Variants in GAS2 observed in about 807,000 individuals in gnomAD.
GAS2 encodes the protein growth arrest specific 2.
A neutral mutation model predicts 37.5 loss-of-function variants in GAS2; 20 were observed. The observed-to-expected ratio is 0.53, with a 90% CI of 0.37 to 0.77. The LOEUF is 0.77. Among genes scored for constraint, GAS2 ranks in the 30% least tolerant of loss-of-function variants. The pLI is 0.00. For missense variants in GAS2, 336 were observed against 373.4 expected (o/e 0.90, Z 0.82); for synonymous variants, 144 against 132.2 (o/e 1.09, Z -0.61).
chr11:22,770,550 G>A (rs192303233), intron 7 of GAS2, among the ~76,000 whole-genome samples: 39 of 152,260 alleles, frequency 2.6e-4, no homozygotes, highest in African/African-American at 8.9e-4. Flanking sequence ...TGTTTCTCTT[G>A]TAGAATTGAG....
chr11:22,770,476 T>A (rs1326270192), intron 7 of GAS2, among the ~76,000 whole-genome samples: 1 of 152,162 alleles, frequency 6.6e-6, no homozygotes, highest in African/African-American at 2.4e-5. Flanking sequence ...ACACTGAAAT[T>A]AAACGTTTCA....
chr11:22,657,392 A>G (rs1769081272), intron 1 of GAS2, among the ~76,000 whole-genome samples: 1 of 152,176 alleles, frequency 6.6e-6, no homozygotes, highest in African/African-American at 2.4e-5. Context: ...TGAAGACTCT[A>G]GAGCAGAGGG....
chr11:22,703,670 G>A (rs180763744), intron 3 of GAS2, among the ~76,000 whole-genome samples: 204 of 152,216 alleles, frequency 1.3e-3, no homozygotes, highest in Non-Finnish European at 2.3e-3. Context: ...TGTGGTACTG[G>A]TACATTACAG....
intron 1 of GAS2, among the ~76,000 whole-genome samples, chr11:22,643,622 A>G (rs74961327): frequency 0.016 from 2,453 of 152,202 alleles, 92 homozygotes; most frequent in African/African-American, 0.055. Flanking sequence ...AGATATTTGA[A>G]CTAAATAAAC....
chr11:22,711,969 C>G (rs1851426166), intron 3 of GAS2, among the ~76,000 whole-genome samples: 1 of 152,120 alleles, frequency 6.6e-6, no homozygotes, highest in Non-Finnish European at 1.5e-5. Flanking sequence ...CTGTGTGACC[C>G]TGTCCATCAC....
chr11:22,772,278 A>G (rs1008681694), intron 7 of GAS2, among the ~76,000 whole-genome samples: 6 of 152,174 alleles, frequency 3.9e-5, no homozygotes, highest in Non-Finnish European at 7.4e-5. Context: ...GCTGGTGTTA[A>G]GTTTCCCCTT....
At chr11:22,738,588 G>A (rs549420880) in intron 5 of GAS2, among the ~76,000 whole-genome samples, 172 of 152,176 alleles carry the variant, frequency 1.1e-3, no homozygotes, top group Non-Finnish European at 2.0e-3. Context: ...ATACTTTTAG[G>A]GTTGAGATCA....
chr11:22,781,537 T>C (rs182222368), intron 7 of GAS2, among the ~76,000 whole-genome samples: 6 of 152,324 alleles, frequency 3.9e-5, no homozygotes, highest in Non-Finnish European at 5.9e-5. Flanking sequence ...ACAAGTTCAG[T>C]GCTCATGATC....
chr11:22,734,811 C>G (rs1852665041), intron 4 of GAS2, among the ~76,000 whole-genome samples: 1 of 151,820 alleles, frequency 6.6e-6, no homozygotes, highest in Middle Eastern at 3.4e-3. Flanking sequence ...ACACCCAGAT[C>G]TTTGTGGCTT....
At chr11:22,792,175 C>T (rs1856197546) in intron 7 of GAS2, among the ~76,000 whole-genome samples, 1 of 152,142 alleles carries the variant, frequency 6.6e-6, no homozygotes, top group African/African-American at 2.4e-5. Context: ...AAACACATAT[C>T]ATTTGAGAGA....
chr11:22,706,733 A>G (rs1337118367), intron 3 of GAS2, among the ~76,000 whole-genome samples: 3 of 152,066 alleles, frequency 2.0e-5, no homozygotes, highest in Non-Finnish European at 2.9e-5. Context: ...CCAGTCTATC[A>G]CTGTTGGACA....
intron 7 of GAS2, among the ~76,000 whole-genome samples, chr11:22,807,631 C>G (rs73484297): frequency 6.6e-6 from 1 of 152,142 alleles, no homozygotes. Context: ...CTATTGCTCT[C>G]TGCGTGGAAA....
intron 2 of GAS2, among the ~76,000 whole-genome samples, chr11:22,682,882 AAAAAGG>A (rs1849754592): frequency 8.3e-6 from 1 of 120,806 alleles, no homozygotes; most frequent in African/African-American, 4.1e-5. Context: ...AAAAAAAAAA[AAAAAGG>A]AAAAAAAAAA....
intron 3 of GAS2, among the ~76,000 whole-genome samples, chr11:22,724,168 G>A (rs992031019): frequency 2.6e-5 from 4 of 151,744 alleles, no homozygotes; most frequent in African/African-American, 9.7e-5. Flanking sequence ...ACACTAATGT[G>A]TACACATGTA....
chr11:22,683,121 A>G (rs1202770218), intron 2 of GAS2, among the ~76,000 whole-genome samples: 1 of 151,744 alleles, frequency 6.6e-6, no homozygotes, highest in Non-Finnish European at 1.5e-5. Flanking sequence ...AATATGAACT[A>G]CTTAAAAAGT....
intron 7 of GAS2, among the ~76,000 whole-genome samples, chr11:22,777,146 C>T (rs77683447): frequency 0.025 from 3,823 of 152,194 alleles, 64 homozygotes; most frequent in Non-Finnish European, 0.036. Context: ...ATTTGTAAGA[C>T]GAGTTGTTTT....
chr11:22,791,940 A>G (rs184379855), intron 7 of GAS2, among the ~76,000 whole-genome samples: 40 of 152,328 alleles, frequency 2.6e-4, no homozygotes, highest in Non-Finnish European at 1.5e-5. Context: ...CTTTAACATC[A>G]TTTTTTAGCT....
At chr11:22,810,809 CA>C (rs11334851) in intron 7 of GAS2, among the ~76,000 whole-genome samples, 138,981 of 151,322 alleles carry the variant, frequency 0.92, 64,934 homozygotes, top group South Asian at 1. Flanking sequence ...GGCTGGGAGT[CA>C]AAAAAAAAAG....
At chr11:22,781,913 G>T (rs1855572708) in intron 7 of GAS2, among the ~76,000 whole-genome samples, 1 of 152,030 alleles carries the variant, frequency 6.6e-6, no homozygotes, top group Non-Finnish European at 1.5e-5. Flanking sequence ...TGGCTATGTT[G>T]CATGGACTCA....
Sources: allele counts gnomAD v4.1 joint callset (sites outside exome capture counted in the v4.1 genomes callset), GRCh38; gene constraint gnomAD v4.1.1; transcripts MANE v1.5; gene names NCBI Gene and HGNC (gene_info 2026-07-23, HGNC 2026-07-21).